Variants in USP30 observed in about 807,000 individuals in gnomAD.
USP30 encodes the protein ubiquitin specific peptidase 30.
A neutral mutation model predicts 68.2 loss-of-function variants in USP30; 41 were observed. The observed-to-expected ratio is 0.60, with a 90% confidence interval of 0.47 to 0.78. The LOEUF (loss-of-function observed/expected upper bound fraction) is 0.78, where lower values mean the gene tolerates loss of function less well. USP30 is among the 30% of genes least tolerant of loss of function. The probability of loss-of-function intolerance (pLI) is 0.00; values close to 1 mark genes in which losing one functional copy is unlikely to be tolerated. For synonymous variants in USP30, 229 were observed against 253.7 expected (o/e 0.90, Z 0.93); for missense variants, 522 against 649.4 (o/e 0.80, Z 2.13).
intron 1 of USP30, chr12:109,052,976 C>G (rs895855715): frequency 1.4e-5 from 6 of 425,696 alleles, no homozygotes; most frequent in African/African-American, 8.2e-5. Flanking sequence ...CTGCACTCCC[C>G]AGGTCTGTCA....
At chr12:109,027,583 C>T (rs1006800318) in intron 3 of USP30, 2 of 152,156 alleles carry the variant, frequency 1.3e-5, no homozygotes, top group African/African-American at 4.8e-5. Flanking sequence ...CAGGCCTATT[C>T]TACTTCCTGT....
At chr12:109,026,631 C>A (rs1450865834) in intron 2 of USP30, among the ~76,000 whole-genome samples, 1 of 151,370 alleles carries the variant, frequency 6.6e-6, no homozygotes, top group Admixed American at 6.6e-5. Flanking sequence ...CCATGCCCAC[C>A]TAATTTTTGT....
In USP30 at chr12:109,037,436, G is replaced by A. The variant is rs115537452; in HGVS notation, c.-136+9880G>A. On this transcript the variant is annotated intron_variant, in intron 3 of 15. Transcript: ENST00000392784. ...GACTTCCTCAAACACAATTTTTACT[G>A]TTTTTCCCCCTGTGCATAGGCCTTA... is the stretch of plus-strand genomic sequence containing the variant. 4.1e-3 allele frequency among the ~76,000 whole-genome samples: 618 copies of A among 152,152 alleles called. 6 individuals carry two copies. The highest frequency in any genetic ancestry group is 0.014 in the African/African-American group (602 of 41,532).
intron 8 of USP30, 41 bp from the exon 9 acceptor site, chr12:109,081,892 G>C: frequency 6.3e-7 from 1 of 1,583,318 alleles, no homozygotes; most frequent in Non-Finnish European, 8.7e-7. Context: ...CAGTATAGCT[G>C]TCCTTTGAAT....
chr12:109,085,587 A>C, intron 12 of USP30, 80 bp from the exon 13 acceptor site: 1 of 1,530,082 alleles, frequency 6.5e-7, no homozygotes, highest in Non-Finnish European at 8.9e-7. Flanking sequence ...CCCCTATTTA[A>C]CATTAGCATT....
intron 3 of USP30, among the ~76,000 whole-genome samples, chr12:109,034,012 A>G (rs936340922): frequency 5.9e-5 from 9 of 152,240 alleles, no homozygotes; most frequent in African/African-American, 2.2e-4. Context: ...ATGTGTTCCC[A>G]GAGGGCCGTA....
At chr12:109,079,172 T>C (rs950693938) in intron 7 of USP30, among the ~76,000 whole-genome samples, 5 of 152,016 alleles carry the variant, frequency 3.3e-5, no homozygotes, top group Non-Finnish European at 7.4e-5. Flanking sequence ...ACAAAGATTT[T>C]ATGCCCATTT....
At chr12:109,084,839 T>G in intron 11 of USP30, 114 bp from the exon 12 acceptor site, 1 of 1,213,886 alleles carries the variant, frequency 8.2e-7, no homozygotes, top group South Asian at 2.1e-5. Context: ...CCAAATGAAA[T>G]AGATTTTTTT....
At chr12:109,042,587 C>T (rs560247651) in intron 3 of USP30, among the ~76,000 whole-genome samples, 1 of 152,160 alleles carries the variant, frequency 6.6e-6, no homozygotes, top group African/African-American at 2.4e-5. Flanking sequence ...AATAATTTTG[C>T]TGGATATTTA....
chr12:109,051,778 C>T (rs2040678843), upstream of USP30, among the ~76,000 whole-genome samples: 1 of 152,072 alleles, frequency 6.6e-6, no homozygotes, highest in Non-Finnish European at 1.5e-5. Flanking sequence ...CCATGTTGGC[C>T]AAGCTGGTCT....
chr12:109,087,366 ACAGTG>A lies in USP30; in HGVS notation c.*1439_*1443del, dbSNP rs968057332. On this transcript the variant is annotated 3_prime_UTR_variant, in exon 13 of 13. Transcript: ENST00000257548. ...CCAAACAGTGCCTTGGCAGCAGCTC[ACAGTG>A]CAGGAAGCCCAGGTGATCACTCTTC... 19 of 152,336 alleles carry A rather than the reference ACAGTG, an allele frequency of 1.2e-4. No individual in the cohort carries two copies. Among genetic ancestry groups the A allele is most frequent in the Admixed American group, 1.1e-3 (17 of 15,296 alleles). 9.4% of individuals were successfully genotyped at this position (152,336 alleles called of 1,614,324 possible). A position where few individuals can be genotyped will look rare whatever the true frequency, so the allele number is the denominator to read the frequency against.
intron 1 of USP30, among the ~76,000 whole-genome samples, chr12:109,054,387 G>T (rs1350048887): frequency 1.3e-5 from 2 of 151,938 alleles, no homozygotes; most frequent in African/African-American, 4.8e-5. Flanking sequence ...CTGGGCATGT[G>T]GTGTGCAGCT....
At chr12:109,032,377 T>C (rs2040489037) in intron 3 of USP30, among the ~76,000 whole-genome samples, 1 of 152,160 alleles carries the variant, frequency 6.6e-6, no homozygotes, top group African/African-American at 2.4e-5. Flanking sequence ...AGCCAAAAAT[T>C]GGAAACAAGT....
chr12:109,068,637 C>T (rs1371031291), intron 4 of USP30, among the ~76,000 whole-genome samples: 4 of 152,200 alleles, frequency 2.6e-5, no homozygotes, highest in Non-Finnish European at 4.4e-5. Flanking sequence ...TTTCCCTAAA[C>T]TGAGAGAATA....
At chr12:109,061,649 A>G (rs371452678) in intron 3 of USP30, among the ~76,000 whole-genome samples, 2 of 152,028 alleles carry the variant, frequency 1.3e-5, no homozygotes, top group African/African-American at 4.8e-5. Context: ...AGCTCAAGCA[A>G]TCTGCCTGCC....
At chr12:109,030,144 G>A (rs1424722570) in intron 3 of USP30, among the ~76,000 whole-genome samples, 1 of 152,052 alleles carries the variant, frequency 6.6e-6, no homozygotes, top group Admixed American at 6.6e-5. Context: ...AAATCCTGTC[G>A]CCCTGCCCAG....
intron 3 of USP30, among the ~76,000 whole-genome samples, chr12:109,059,670 C>T (rs1379128898): frequency 4.6e-5 from 7 of 152,072 alleles, no homozygotes; most frequent in Non-Finnish European, 5.9e-5. Context: ...CATGCCACCA[C>T]GCCCGGCTAA....
At chr12:109,049,078 T>G (rs1036072692), upstream of USP30, among the ~76,000 whole-genome samples, 9 of 152,140 alleles carry the variant, frequency 5.9e-5, no homozygotes, top group Admixed American at 1.3e-4. Flanking sequence ...TGGCGGGGCT[T>G]AGGATTTTTA....
chr12:109,031,826 A>C (rs2040483653), intron 3 of USP30, among the ~76,000 whole-genome samples: 2 of 152,114 alleles, frequency 1.3e-5, no homozygotes, highest in African/African-American at 4.8e-5. Flanking sequence ...GGTAGAGACG[A>C]GGTGTGATTA....
Sources: allele counts gnomAD v4.1 joint callset (sites outside exome capture counted in the v4.1 genomes callset), GRCh38; gene constraint gnomAD v4.1.1; transcripts MANE v1.5; gene names NCBI Gene and HGNC (gene_info 2026-07-23, HGNC 2026-07-21).